ABCC1: variants seen among roughly 807,000 people sequenced by gnomAD.
The protein encoded by ABCC1 is ATP binding cassette subfamily C member 1 (ABCC1 blood group).
ABCC1 carries 83 observed loss-of-function variants against 172.9 expected under a neutral mutation model. The observed-to-expected ratio is 0.48, with a 90% CI of 0.40 to 0.58. The LOEUF is 0.58. Ranked by LOEUF, ABCC1 falls within the 20% of genes least tolerant of loss-of-function variation. The pLI, the probability that ABCC1 is intolerant of heterozygous loss-of-function variation, is 0.00. For missense variants in ABCC1, 1,817 were observed against 2,002.7 expected, an observed-to-expected ratio of 0.91 and a Z score of 1.77; for synonymous variants, 937 against 825.2, an observed-to-expected ratio of 1.14 and a Z score of -2.32.
chr16:15,963,921 T>C (rs1035630677), intron 1 of ABCC1, among the ~76,000 whole-genome samples: 4 of 152,194 alleles, frequency 2.6e-5, no homozygotes, highest in African/African-American at 9.6e-5. Context: ...TTTTTCTTTT[T>C]ACATTGTCAG....
chr16:16,136,722 C>G, intron 29 of ABCC1, 78 bp downstream of exon 29: 1 of 1,492,822 alleles, frequency 6.7e-7, no homozygotes, highest in Non-Finnish European at 9.0e-7. Context: ...AAGATTCTGT[C>G]CAGATCTGTG....
chr16:15,949,690 C>CTA lies in ABCC1; in HGVS notation c.-62_-61insTA, dbSNP rs1291318942. The CTA allele has an allele frequency of 6.5e-5, 66 of 1,014,840 alleles. No homozygotes were observed. Among genetic ancestry groups the CTA allele is most frequent in the Admixed American group, 2.2e-4 (4 of 17,938 alleles). The allele number at this position is 1,014,840 out of a possible 1,614,324, so 62.9% of individuals were successfully genotyped here. ...CCGCCGCCCGGTGCCCGCCGCCGCC[C>CTA]GCGCCAGCAACCGGGCCCGATCACC... On this transcript the variant is annotated 5_prime_UTR_variant, in exon 1 of 31. Transcript: ENST00000399410.
intron 21 of ABCC1, among the ~76,000 whole-genome samples, chr16:16,108,273 C>CTTTTTTTTTTTTTT (rs79826916): frequency 1.9e-5 from 2 of 106,314 alleles, no homozygotes; most frequent in Non-Finnish European, 3.8e-5. Flanking sequence ...TTCTTTGTGT[C>CTTTTTTTTTTTTTT]TTTTTTTTTT....
At chr16:16,073,125 C>A (rs1382542611) in intron 14 of ABCC1, among the ~76,000 whole-genome samples, 1 of 152,058 alleles carries the variant, frequency 6.6e-6, no homozygotes, top group East Asian at 1.9e-4. Context: ...CTGTCATGCA[C>A]ATGCCATTCC....
chr16:15,960,372 G>C lies in ABCC1; in HGVS notation c.48+10573G>C, dbSNP rs140664635. Among the ~76,000 whole-genome samples, 200 of 152,140 alleles carry C rather than the reference G, an allele frequency of 1.3e-3. 4 individuals are homozygous for C. Among genetic ancestry groups the C allele is most frequent in the Admixed American group, 0.01 (158 of 15,272 alleles). Reference sequence around the variant, plus strand: ...GGTGTGAGCCACCACGCCCAGCCTCGTGTGGTCTTTGATACCCCTGGGTTC... The same window carrying C: ...GGTGTGAGCCACCACGCCCAGCCTCCTGTGGTCTTTGATACCCCTGGGTTC... On this transcript the variant is annotated intron_variant, in intron 1 of 30. Transcript: ENST00000399410.
rs45543442 is a variant in ABCC1 at position 15,978,974 on chromosome 16, A to G, written c.49-28842A>G. 3.9e-3 allele frequency among the ~76,000 whole-genome samples: 594 copies of G among 152,270 alleles called. 6 individuals are homozygous for G. The highest frequency in any genetic ancestry group is 0.012 in the African/African-American group (495 of 41,524). On this transcript the variant is annotated intron_variant, in intron 1 of 30. Transcript: ENST00000399410. ...TATTAAGGCAACAAGCAACATATTA[A>G]TAGCAACAGGAGAAAACATGCATTT...
At chr16:16,089,238 G>A (rs2051137724) in intron 18 of ABCC1, among the ~76,000 whole-genome samples, 1 of 152,146 alleles carries the variant, frequency 6.6e-6, no homozygotes, top group Non-Finnish European at 1.5e-5. Context: ...GACAGCGGGA[G>A]TTGTTTTAGA....
intron 7 of ABCC1, among the ~76,000 whole-genome samples, chr16:16,037,637 G>A (rs1389492331): frequency 6.6e-6 from 1 of 152,312 alleles, no homozygotes; most frequent in East Asian, 1.9e-4. Context: ...CTGTTCTGGG[G>A]TAAGTTTACT....
intron 13 of ABCC1, among the ~76,000 whole-genome samples, chr16:16,069,196 A>AT (rs1005519388): frequency 1.3e-5 from 2 of 148,294 alleles, no homozygotes; most frequent in African/African-American, 4.9e-5. Context: ...AAATAAATAA[A>AT]TAAATAAATA....
intron 10 of ABCC1, among the ~76,000 whole-genome samples, chr16:16,051,467 C>G (rs994777123): frequency 8.5e-5 from 13 of 152,086 alleles, no homozygotes; most frequent in African/African-American, 3.1e-4. Context: ...GTCACTGCAC[C>G]TGGCCACAAG....
chr16:16,057,762 C>T (rs1345595346), intron 12 of ABCC1, among the ~76,000 whole-genome samples: 1 of 151,976 alleles, frequency 6.6e-6, no homozygotes, highest in Non-Finnish European at 1.5e-5. Flanking sequence ...TTCTGGTCTA[C>T]TTCATTTTAG....
intron 20 of ABCC1, among the ~76,000 whole-genome samples, chr16:16,103,946 G>A (rs535372904): frequency 9.9e-5 from 15 of 152,174 alleles, no homozygotes; most frequent in Middle Eastern, 3.4e-3. Flanking sequence ...GGATGTGTTC[G>A]GAGTTTCTTC....
chr16:16,010,174 G>T (rs1054652144), intron 3 of ABCC1, among the ~76,000 whole-genome samples: 1 of 149,192 alleles, frequency 6.7e-6, no homozygotes, highest in African/African-American at 2.5e-5. Flanking sequence ...CTTCTGAGTA[G>T]TTGGGACTAC....
intron 7 of ABCC1, among the ~76,000 whole-genome samples, chr16:16,041,529 T>C (rs72775886): frequency 2.3e-4 from 35 of 152,208 alleles, no homozygotes; most frequent in Admixed American, 6.6e-4. Context: ...GCTTGCTTTA[T>C]TCCCAGAGGC....
chr16:16,134,330 T>C lies in ABCC1; in HGVS notation c.3967-20T>C, dbSNP rs1469062537. On this transcript the variant is annotated intron_variant, in intron 27 of 30. Transcript: ENST00000399410. ...CGGATGCCAGCATTCCCACCACACC[T>C]GGGCCCTTCTGTCCTGCAGGTCGGC... 8 of 1,613,590 alleles carry C rather than the reference T, an allele frequency of 5.0e-6. No homozygotes were observed. In the African/African-American group the frequency reaches 8.0e-5, roughly 16 times the overall value.
intron 1 of ABCC1, among the ~76,000 whole-genome samples, chr16:16,001,243 G>C (rs1298610874): frequency 6.6e-6 from 1 of 152,014 alleles, no homozygotes; most frequent in Non-Finnish European, 1.5e-5. Context: ...ATGGAGTCTC[G>C]CTTTGTCGCC....
chr16:16,067,297 C>G (rs1196398644), intron 12 of ABCC1, among the ~76,000 whole-genome samples: 1 of 152,166 alleles, frequency 6.6e-6, no homozygotes, highest in Admixed American at 6.6e-5. Flanking sequence ...TGTGCCATGG[C>G]TCAGCGTCAT....
chr16:15,952,877 CAAA>C (rs770433015), intron 1 of ABCC1, among the ~76,000 whole-genome samples: 1 of 102,960 alleles, frequency 9.7e-6, no homozygotes, highest in African/African-American at 3.6e-5. Context: ...CTAATAATAC[CAAA>C]AAAAAAAAAA....
intron 6 of ABCC1, among the ~76,000 whole-genome samples, chr16:16,033,849 T>A (rs1318129171): frequency 1.3e-5 from 2 of 151,966 alleles, no homozygotes; most frequent in African/African-American, 4.8e-5. Flanking sequence ...GTCTTGAAAC[T>A]CCTGACCTCA....
Sources: gnomAD v4.1 joint callset for allele counts (sites outside exome capture counted in the v4.1 genomes callset) on GRCh38, gnomAD v4.1.1 for gene constraint, MANE v1.5 for transcripts, NCBI Gene and HGNC (gene_info 2026-07-23, HGNC 2026-07-21) for gene names.